ZIC5: variants seen among roughly 807,000 people sequenced by gnomAD.
ZIC5 encodes Zic family zinc finger 5.
In ZIC5, 20 loss-of-function variants were observed where a neutral mutation model predicts 28.5. That is an observed-to-expected ratio of 0.70 (90% confidence interval 0.49 to 1.02). The LOEUF is 1.02. Among genes scored for constraint, ZIC5 ranks in the 50% least tolerant of loss-of-function variants. The pLI, the probability that ZIC5 is intolerant of heterozygous loss-of-function variation, is 0.00. For missense variants in ZIC5, 951 were observed against 899.7 expected, an observed-to-expected ratio of 1.06 and a Z score of -0.73; for synonymous variants, 488 against 410.4, an observed-to-expected ratio of 1.19 and a Z score of -2.29.
intron 1 of ZIC5, among the ~76,000 whole-genome samples, chr13:99,966,769 TA>T (rs200445717): frequency 0.039 from 5,916 of 152,272 alleles, 148 homozygotes; most frequent in South Asian, 0.093. Flanking sequence ...AACACGCCTT[TA>T]AACACAAGGC....
Position 99,966,488 on chromosome 13 carries a change from G to A in ZIC5, c.1478-669C>T, listed in dbSNP as rs190855018. Among the ~76,000 whole-genome samples the A allele has an allele frequency of 2.8e-3, 426 of 152,282 alleles. 2 individuals carry two copies. The highest frequency in any genetic ancestry group is 9.8e-3 in the African/African-American group (407 of 41,554). The stretch of plus-strand genomic sequence containing the variant: ...ATACTCCCACCACTCGATTTTTACA[G>A]GGCTAGCTGGGCAGAGAACAGGCTG... On this transcript the variant is annotated intron_variant, in intron 1 of 1. Coordinates refer to ENST00000267294, the MANE Select transcript of ZIC5 (RefSeq NM_033132.5).
intron 1 of ZIC5, among the ~76,000 whole-genome samples, chr13:99,966,749 C>A (rs1208719069): frequency 6.6e-6 from 1 of 151,588 alleles, no homozygotes; most frequent in Non-Finnish European, 1.5e-5. Flanking sequence ...GCTGGCCTAA[C>A]CACCCCACAA....
chr13:99,966,562 GA>G (rs2053101605), intron 1 of ZIC5, among the ~76,000 whole-genome samples: 1 of 152,178 alleles, frequency 6.6e-6, no homozygotes, highest in African/African-American at 2.4e-5. Context: ...GGGCAGTTAA[GA>G]GCACAGCAGA....
chr13:99,966,089 G>A (rs1304836746), intron 1 of ZIC5, among the ~76,000 whole-genome samples: 1 of 152,074 alleles, frequency 6.6e-6, no homozygotes, highest in Admixed American at 6.5e-5. Flanking sequence ...CTAGTGCTGA[G>A]CTAAGGGCCA....
In ZIC5 at chr13:99,970,413, TGGCGGCGGC is replaced by T. The variant is rs71114653; in HGVS notation, c.1182_1190del (p.Pro398_Pro400del). 10,045 of 1,106,596 alleles carry T rather than the reference TGGCGGCGGC, an allele frequency of 9.1e-3. 307 individuals carry two copies. The highest frequency in any genetic ancestry group is 0.037 in the East Asian group (664 of 18,042). The allele number at this position is 1,106,596 out of a possible 1,614,324, so 68.5% of individuals were successfully genotyped here. A position where few individuals can be genotyped will look rare whatever the true frequency, so the allele number is the denominator to read the frequency against. ...GCTTGGCGCCGCCGGCCGGGGGCGG[TGGCGGCGGC>T]GGCGGCGGCGGCGGCGGCGGCGGCG... is the stretch of plus-strand genomic sequence containing the variant. On this transcript the variant is annotated inframe_deletion, in exon 1 of 2. Transcript: ENST00000267294.
chr13:99,970,718 C>G lies in ZIC5; in HGVS notation c.886G>C (p.Ala296Pro), dbSNP rs1035952546. Residue 296 changes from alanine to proline, a missense_variant, in exon 1 of 2, where the codon GCG (alanine) becomes CCG (proline). Transcript: ENST00000267294. ...DAHYGAVAAA[A>P]AAALHGYGAV... ...CCGTAGCCGTGCAGGGCGGCCGCCG[C>G]TGCGGCCGCAACCGCCCCGTAGTGC... The G allele has an allele frequency of 1.7e-6, 2 of 1,197,282 alleles. No individual in the cohort carries two copies. Among genetic ancestry groups the G allele is most frequent in the Middle Eastern group, 3.5e-4 (1 of 2,856 alleles). 74.2% of individuals were successfully genotyped at this position (1,197,282 alleles called of 1,614,324 possible).
In ZIC5 at chr13:99,970,879, G is replaced by T; in HGVS notation, c.725C>A (p.Thr242Lys). 1.6e-6 allele frequency: 2 copies of T among 1,283,852 alleles called. No homozygotes were observed. The highest frequency in any genetic ancestry group is 2.0e-6 in the Non-Finnish European group (2 of 1,024,084). The allele number at this position is 1,283,852 out of a possible 1,614,324, so 79.5% of individuals were successfully genotyped here. A position where few individuals can be genotyped will look rare whatever the true frequency, so the allele number is the denominator to read the frequency against. ...GPALFPALHD[T>K]PGAPGGHPHP... ...CGGGTGGCCGCCTGGGGCCCCCGGC[G>T]TGTCGTGCAGCGCGGGGAAGAGCGC... The change falls in exon 1 of 2, where the codon ACG becomes AAG. Residue 242 changes from threonine to lysine, a missense_variant. By Grantham distance (78) the Thr-to-Lys change is moderately conservative (BLOSUM62 -1). Transcript: ENST00000267294.
rs963046160 is a variant in ZIC5 at position 99,965,019 on chromosome 13, A to ATG, written c.*356_*357dup. The ATG allele has an allele frequency of 5.8e-5, 7 of 120,536 alleles. No individual in the cohort carries two copies. The highest frequency in any genetic ancestry group is 2.1e-4 in the East Asian group (1 of 4,864). 7.5% of individuals were successfully genotyped at this position (120,536 alleles called of 1,614,324 possible). A position where few individuals can be genotyped will look rare whatever the true frequency, so the allele number is the denominator to read the frequency against. ...TTTAAAAAAAATAATATATATATAT[A>ATG]TGTATATATATATATATATATATAT... On this transcript the variant is annotated 3_prime_UTR_variant, in exon 2 of 2. Transcript: ENST00000267294.
intron 1 of ZIC5, among the ~76,000 whole-genome samples, chr13:99,967,506 A>C (rs2053108896): frequency 6.6e-6 from 1 of 152,246 alleles, no homozygotes; most frequent in African/African-American, 2.4e-5. Flanking sequence ...CCAAGTTAAC[A>C]TCATATTCTT....
Position 99,971,372 on chromosome 13 carries a change from G to C in ZIC5, c.232C>G (p.Leu78Val), listed in dbSNP as rs544546871. Residue 78 changes from leucine (L) to valine (V), a missense_variant, in exon 1 of 2, where the codon CTG (leucine) becomes GTG (valine). Around this residue, in one of 3 missense-constraint regions of ZIC5, gnomAD observed 784 missense variants for 660.1 expected, o/e 1.19. Transcript: ENST00000267294. ...GPEHMAQAST[L>V]GLSPPSQAFP... ...GCCTGGGAGGGAGGGCTGAGGCCCA[G>C]CGTGCTCGCCTGGGCCATGTGCTCG... 4 of 1,470,080 alleles carry C rather than the reference G, an allele frequency of 2.7e-6. No homozygotes were observed. In the East Asian group the frequency reaches 1.0e-4, roughly 38 times the overall value. 91.1% of individuals were successfully genotyped at this position (1,470,080 alleles called of 1,614,324 possible).
chr13:99,965,511 G>A lies in ZIC5; in HGVS notation c.1786C>T (p.Leu596Phe). 2 of 1,613,928 alleles carry A rather than the reference G, an allele frequency of 1.2e-6. No individual in the cohort carries two copies. Among genetic ancestry groups the A allele is most frequent in the East Asian group, 2.2e-5 (1 of 44,882 alleles). ...GCCTGGCAAACGTACCACTCATTGA[G>A]GTTGGTCACCTGAGGGGACAGAGTG... Reference protein sequence around the residue: ...SSTLSPQVTNLNEWYVCQASG... With the variant: ...SSTLSPQVTNFNEWYVCQASG... Residue 596 changes from leucine (L) to phenylalanine (F), a missense_variant, in exon 2 of 2, where the codon CTC becomes TTC. Leu to Phe is a conservative substitution (Grantham distance 22). Around this residue, in one of 3 missense-constraint regions of ZIC5, gnomAD observed 108 missense variants for 118.4 expected, o/e 0.91. Transcript: ENST00000267294.
In ZIC5 at chr13:99,971,630, C is replaced by A; in HGVS notation, c.-27G>T. The A allele has an allele frequency of 6.4e-7, 1 of 1,560,862 alleles. No homozygotes were observed. The highest frequency in any genetic ancestry group is 8.7e-7 in the Non-Finnish European group (1 of 1,151,134). ...AGAACTACACAATCAGGCCCATAGA[C>A]CCTCACTGGGGGGACTTTATTCCCT... On this transcript the variant is annotated 5_prime_UTR_variant, in exon 1 of 2. Transcript: ENST00000267294.
Position 99,970,908 on chromosome 13 carries a change from G to A in ZIC5, c.696C>T (p.Gly232=). The A allele has an allele frequency of 7.4e-7, 1 of 1,356,668 alleles. No individual in the cohort carries two copies. Among genetic ancestry groups the A allele is most frequent in the Non-Finnish European group, 9.4e-7 (1 of 1,065,344 alleles). The allele number at this position is 1,356,668 out of a possible 1,614,324, so 84.0% of individuals were successfully genotyped here. A position where few individuals can be genotyped will look rare whatever the true frequency, so the allele number is the denominator to read the frequency against. Residue 232 remains glycine (G), a synonymous_variant, in exon 1 of 2, where the codon GGC becomes GGT. Coordinates refer to ENST00000267294, the MANE Select transcript of ZIC5 (RefSeq NM_033132.5). ...GTYAGPDGSG[G]PALFPALHDT... ...CGTGCAGCGCGGGGAAGAGCGCCGG[G>A]CCGCCGCTGCCGTCCGGGCCCGCGT... is the stretch of plus-strand genomic sequence containing the variant.
At position 99,965,209 on chromosome 13, in the gene ZIC5, A is replaced by T. The variant is rs1594281312; in HGVS notation, c.*168T>A. On this transcript the variant is annotated 3_prime_UTR_variant, in exon 2 of 2. Coordinates refer to ENST00000267294, the MANE Select transcript of ZIC5 (RefSeq NM_033132.5). ...AAAGCCCAAATATCTTAATTAAATT[A>T]ATTAAATGTACAAACACCATAGGGT... The T allele has an allele frequency of 2.2e-6, 1 of 453,266 alleles. No homozygotes were observed. Among genetic ancestry groups the T allele is most frequent in the Non-Finnish European group, 3.6e-6 (1 of 277,314 alleles). The allele number at this position is 453,266 out of a possible 1,614,324, so 28.1% of individuals were successfully genotyped here.
At position 99,970,575 on chromosome 13, in the gene ZIC5, C is replaced by A. The variant is rs1305772217; in HGVS notation, c.1029G>T (p.Ala343=). The change falls in exon 1 of 2, where the codon GCG becomes GCT. Residue 343 remains alanine (A), a synonymous_variant. Transcript: ENST00000267294. ...PPAPPPPPAP[A]QHPHQHHPHL... The stretch of plus-strand genomic sequence containing the variant: ...GGGGGTGGTGCTGGTGCGGGTGCTG[C>A]GCGGGCGCCGGCGGCGGCGGCGGCG... The A allele has an allele frequency of 9.9e-7, 1 of 1,008,794 alleles. No individual in the cohort carries two copies. The allele number at this position is 1,008,794 out of a possible 1,614,324, so 62.5% of individuals were successfully genotyped here. A position where few individuals can be genotyped will look rare whatever the true frequency, so the allele number is the denominator to read the frequency against.
At position 99,970,927 on chromosome 13, in the gene ZIC5, C is replaced by A; in HGVS notation, c.677G>T (p.Gly226Val). ...CGCCGGGCCGCCGCTGCCGTCCGGG[C>A]CCGCGTAGGTGCCGCTGGCGGAGAT... ...MFISASGTYAGPDGSGGPALF... is the reference protein window; with the variant it reads ...MFISASGTYAVPDGSGGPALF... Residue 226 changes from glycine to valine, a missense_variant, in exon 1 of 2, where the codon GGC becomes GTC. Physicochemically the swap from Gly to Val is moderately radical, Grantham distance 109 (BLOSUM62 -3). Transcript: ENST00000267294. 2.2e-6 allele frequency: 3 copies of A among 1,384,854 alleles called. No individual in the cohort carries two copies. The highest frequency in any genetic ancestry group is 2.8e-6 in the Non-Finnish European group (3 of 1,080,290). 85.8% of individuals were successfully genotyped at this position (1,384,854 alleles called of 1,614,324 possible). A position where few individuals can be genotyped will look rare whatever the true frequency, so the allele number is the denominator to read the frequency against.
rs1008666491 is a variant in ZIC5 at position 99,964,500 on chromosome 13, AAC to A, written c.*875_*876del. The stretch of plus-strand genomic sequence containing the variant: ...CTGAGAATTCAGATAAAAAAAAAAA[AAC>A]ATATAGGAAAAAGAAAGCACTTGAA... On this transcript the variant is annotated 3_prime_UTR_variant, in exon 2 of 2. Coordinates refer to ENST00000267294, the MANE Select transcript of ZIC5 (RefSeq NM_033132.5). 1.6e-4 allele frequency: 25 copies of A among 151,946 alleles called. No individual in the cohort carries two copies. Among genetic ancestry groups the A allele is most frequent in the Admixed American group, 2.6e-4 (4 of 15,264 alleles). The allele number at this position is 151,946 out of a possible 1,614,324, so 9.4% of individuals were successfully genotyped here. A position where few individuals can be genotyped will look rare whatever the true frequency, so the allele number is the denominator to read the frequency against.
rs146182363 is a variant in ZIC5 at position 99,964,665 on chromosome 13, C to G, written c.*712G>C. ...AGGTTGCTGCATCTTTTTTTAAAAT[C>G]ACACAGTAGGATACTGAAGAAATAA... On this transcript the variant is annotated 3_prime_UTR_variant, in exon 2 of 2. Transcript: ENST00000267294. The G allele has an allele frequency of 1.3e-3, 193 of 152,538 alleles. 2 individuals carry two copies. Among genetic ancestry groups the G allele is most frequent in the Middle Eastern group, 0.01 (3 of 294 alleles). 9.4% of individuals were successfully genotyped at this position (152,538 alleles called of 1,614,324 possible). A position where few individuals can be genotyped will look rare whatever the true frequency, so the allele number is the denominator to read the frequency against.
chr13:99,967,795 AAAC>A (rs1454097266), intron 1 of ZIC5, among the ~76,000 whole-genome samples: 4 of 152,234 alleles, frequency 2.6e-5, no homozygotes, highest in African/African-American at 4.8e-5. Context: ...AAACAGAAGA[AAAC>A]AAGGCAAGGG....
Sources: allele counts gnomAD v4.1 joint callset (sites outside exome capture counted in the v4.1 genomes callset), GRCh38; gene constraint gnomAD v4.1.1; regional missense constraint gnomAD v4.1.1; transcripts MANE v1.5; gene names NCBI Gene and HGNC (gene_info 2026-07-23, HGNC 2026-07-21).